The following ABCA13 variants were observed in gnomAD, a reference collection of about 807,000 sequenced individuals.
ABCA13 encodes ATP-binding cassette sub-family A member 13.
Under a neutral mutation model 478.7 loss-of-function variants are expected in ABCA13, and 476 were observed. That is an observed-to-expected ratio of 0.99 (90% CI 0.92 to 1.07). The LOEUF (loss-of-function observed/expected upper bound fraction) is 1.07. Among genes scored for constraint, ABCA13 ranks in the 50% least tolerant of loss-of-function variants. ABCA13 has a pLI of 0.00. For missense variants in ABCA13, 6,060 were observed against 5,910.6 expected, an observed-to-expected ratio of 1.03 and a Z score of -0.83; for synonymous variants, 2,252 against 2,158.9, an observed-to-expected ratio of 1.04 and a Z score of -1.20.
intron 56 of ABCA13, among the ~76,000 whole-genome samples, chr7:48,584,151 A>G (rs188215595): frequency 3.9e-5 from 6 of 152,302 alleles, no homozygotes; most frequent in Admixed American, 3.3e-4. Context: ...TCTTTTATGT[A>G]TGGCTAATCT....
intron 54 of ABCA13, 30 bp downstream of exon 54, chr7:48,524,470 C>T: frequency 6.3e-7 from 1 of 1,576,932 alleles, no homozygotes; most frequent in Non-Finnish European, 8.6e-7. Context: ...TAATCTTCTT[C>T]TGTTGTGAAC....
At position 48,638,968 on chromosome 7, in the gene ABCA13, G is replaced by A. The variant is rs143315235; in HGVS notation, c.14838-4320G>A. ...TAACTCCCTCCATTCCCTTGGAGTT[G>A]TGTGACCCAAACAAGTTATGTAGCT... On this transcript the variant is annotated intron_variant, in intron 59 of 61. Coordinates refer to ENST00000435803, the MANE Select transcript of ABCA13 (RefSeq NM_152701.5). 2.0e-3 allele frequency among the ~76,000 whole-genome samples: 301 copies of A among 152,302 alleles called. 1 individual carries two copies. Among genetic ancestry groups the A allele is most frequent in the African/African-American group, 6.8e-3 (284 of 41,564 alleles).
Position 48,606,174 on chromosome 7 carries a change from G to A in ABCA13, c.14745-9111G>A, listed in dbSNP as rs183245036. Among the ~76,000 whole-genome samples, 291 of 152,248 alleles carry A rather than the reference G, an allele frequency of 1.9e-3. 1 individual carries two copies. The highest frequency in any genetic ancestry group is 3.1e-3 in the Non-Finnish European group (211 of 68,018). ...GGTTAGAACTTGCTCCTTTAGCTCG[G>A]AGGAGTTTGTGATTACCCACCTTCT... On this transcript the variant is annotated intron_variant, in intron 58 of 61. Coordinates refer to ENST00000435803, the MANE Select transcript of ABCA13 (RefSeq NM_152701.5).
intron 45 of ABCA13, among the ~76,000 whole-genome samples, chr7:48,477,634 G>A (rs1436736383): frequency 6.0e-5 from 9 of 150,466 alleles, no homozygotes; most frequent in Non-Finnish European, 1.2e-4. Context: ...GCAAACTATC[G>A]CAAGGACAAA....
At position 48,193,303 on chromosome 7, in the gene ABCA13, A is replaced by G. The variant is rs183048157; in HGVS notation, c.163+251A>G. Among the ~76,000 whole-genome samples the G allele has an allele frequency of 3.1e-3, 465 of 152,336 alleles. 2 individuals are homozygous for G. The highest frequency in any genetic ancestry group is 0.011 in the African/African-American group (446 of 41,570). On this transcript the variant is annotated intron_variant, in intron 2 of 61. Coordinates refer to ENST00000435803, the MANE Select transcript of ABCA13 (RefSeq NM_152701.5). ...TTATTCTTCCAATTAAAACTGACACAATCTGGGCATAAGTAAATAGCCATT... is the reference window on the plus strand; with the variant it reads ...TTATTCTTCCAATTAAAACTGACACGATCTGGGCATAAGTAAATAGCCATT...
chr7:48,491,067 C>A lies in ABCA13; in HGVS notation c.13291+1723C>A, dbSNP rs569401291. ...TAAGAAACTAAAATATAAACCTGAG[C>A]ATTTTAGAGTTCAGTACTGATGACA... On this transcript the variant is annotated intron_variant, in intron 48 of 61. Transcript: ENST00000435803. Among the ~76,000 whole-genome samples, 53 of 152,180 alleles carry A rather than the reference C, an allele frequency of 3.5e-4. No individual in the cohort carries two copies. The South Asian group carries it at 8.7e-3, about 25-fold the overall frequency.
chr7:48,248,392 C>G lies in ABCA13; in HGVS notation c.1813C>G (p.Pro605Ala). 6.2e-7 allele frequency: 1 copy of G among 1,613,324 alleles called. No homozygotes were observed. Among genetic ancestry groups the G allele is most frequent in the South Asian group, 1.1e-5 (1 of 90,962 alleles). ...CCTGCTGCTGGGAGCTGATCCCTCT[C>G]CTGAGAATGATGTCTTTTCTAGTGA... Reference protein sequence around the residue: ...LFLLLGADPSPENDVFSSDCK... With the variant: ...LFLLLGADPSAENDVFSSDCK... Residue 605 changes from proline (P) to alanine (A), a missense_variant, in exon 14 of 62, where the codon CCT (proline) becomes GCT (alanine). Coordinates refer to ENST00000435803, the MANE Select transcript of ABCA13 (RefSeq NM_152701.5).
At chr7:48,228,943 A>G (rs966193955) in intron 6 of ABCA13, among the ~76,000 whole-genome samples, 1 of 152,310 alleles carries the variant, frequency 6.6e-6, no homozygotes, top group African/African-American at 2.4e-5. Flanking sequence ...TATAAATTGT[A>G]TTTCCATATT....
At chr7:48,290,422 C>T (rs747732306) in intron 20 of ABCA13, among the ~76,000 whole-genome samples, 8 of 152,226 alleles carry the variant, frequency 5.3e-5, no homozygotes, top group East Asian at 1.9e-4. Context: ...GGTGGTTTTA[C>T]CTGATCCCAA....
At chr7:48,623,792 A>G (rs1233801752) in intron 59 of ABCA13, among the ~76,000 whole-genome samples, 1 of 152,196 alleles carries the variant, frequency 6.6e-6, no homozygotes, top group Non-Finnish European at 1.5e-5. Context: ...GAAGTCTAAG[A>G]AATGTAGACT....
intron 41 of ABCA13, among the ~76,000 whole-genome samples, chr7:48,412,890 C>T (rs926156732): frequency 6.6e-6 from 1 of 151,372 alleles, no homozygotes; most frequent in Non-Finnish European, 1.5e-5. Context: ...CGGCTCACTG[C>T]AAGCTCTGCC....
intron 2 of ABCA13, among the ~76,000 whole-genome samples, chr7:48,193,264 T>A (rs758441818): frequency 6.6e-6 from 1 of 152,222 alleles, no homozygotes; most frequent in South Asian, 2.1e-4. Flanking sequence ...GTTCACTCAA[T>A]CTAGCACATA....
At chr7:48,280,627 G>A (rs992288431) in intron 18 of ABCA13, among the ~76,000 whole-genome samples, 18 of 149,390 alleles carry the variant, frequency 1.2e-4, no homozygotes, top group Admixed American at 1.2e-3. Flanking sequence ...GTTTCTCCCT[G>A]CTTTCCTCTC....
At chr7:48,360,711 C>T (rs554417630) in intron 31 of ABCA13, among the ~76,000 whole-genome samples, 6 of 152,026 alleles carry the variant, frequency 3.9e-5, no homozygotes, top group African/African-American at 7.3e-5. Context: ...AACTAGAAAT[C>T]GCAAAGTCTT....
At chr7:48,602,900 T>TACAA (rs1791061828) in intron 58 of ABCA13, among the ~76,000 whole-genome samples, 1 of 152,208 alleles carries the variant, frequency 6.6e-6, no homozygotes, top group African/African-American at 2.4e-5. Flanking sequence ...CCTCTTTTAT[T>TACAA]TCCTTGAGCA....
intron 15 of ABCA13, among the ~76,000 whole-genome samples, chr7:48,257,497 G>T (rs907562706): frequency 1.4e-4 from 21 of 152,090 alleles, no homozygotes; most frequent in African/African-American, 4.8e-4. Flanking sequence ...GTTTGTTAAG[G>T]GTTTTTAAAA....
At chr7:48,203,019 G>C (rs1342884558) in intron 3 of ABCA13, among the ~76,000 whole-genome samples, 1 of 152,234 alleles carries the variant, frequency 6.6e-6, no homozygotes, top group Admixed American at 6.5e-5. Flanking sequence ...GTGGGGGAAG[G>C]CTCAGGCATG....
intron 57 of ABCA13, among the ~76,000 whole-genome samples, chr7:48,589,373 C>T (rs569519733): frequency 6.6e-6 from 1 of 152,034 alleles, no homozygotes; most frequent in African/African-American, 2.4e-5. Flanking sequence ...GGAGGAGAAC[C>T]AACCTGACAT....
At chr7:48,636,836 T>C (rs1794677446) in intron 59 of ABCA13, among the ~76,000 whole-genome samples, 1 of 152,146 alleles carries the variant, frequency 6.6e-6, no homozygotes, top group African/African-American at 2.4e-5. Context: ...GTTGGAAAGT[T>C]CCAGGCACAT....
Sources: allele counts gnomAD v4.1 joint callset (sites outside exome capture counted in the v4.1 genomes callset), GRCh38; gene constraint gnomAD v4.1.1; transcripts MANE v1.5; gene names NCBI Gene and HGNC (gene_info 2026-07-23, HGNC 2026-07-21).